Variants in NDUFB6 observed in about 807,000 individuals in gnomAD.
NDUFB6 encodes NADH:ubiquinone oxidoreductase subunit B6.
NDUFB6 carries 23 observed loss-of-function variants against 17.5 expected under a neutral mutation model. The ratio of observed to expected loss-of-function variants is 1.31; its 90% confidence interval spans 0.94 to 1.86. The LOEUF (loss-of-function observed/expected upper bound fraction) is 1.86. Among genes scored for constraint, NDUFB6 ranks in the 40% most tolerant of loss-of-function variants. The pLI, the probability that NDUFB6 is intolerant of heterozygous loss-of-function variation, is 0.00. For synonymous variants in NDUFB6, 60 were observed against 53.5 expected, an observed-to-expected ratio of 1.12 and a Z score of -0.53; for missense variants, 167 against 153.8, an observed-to-expected ratio of 1.09 and a Z score of -0.46.
intron 2 of NDUFB6, among the ~76,000 whole-genome samples, chr9:32,563,977 C>A (rs1235731290): frequency 6.6e-6 from 1 of 152,166 alleles, no homozygotes. Flanking sequence ...TTCTCTCCTC[C>A]CGCCCTAGAA....
At chr9:32,566,791 A>G in intron 2 of NDUFB6, 1 of 912,066 alleles carries the variant, frequency 1.1e-6, no homozygotes, top group Non-Finnish European at 1.8e-6. Context: ...CTGACGTTGT[A>G]CAGGAGGTCG....
intron 3 of NDUFB6, among the ~76,000 whole-genome samples, chr9:32,555,608 A>C (rs1821434375): frequency 6.6e-6 from 1 of 152,242 alleles, no homozygotes; most frequent in Admixed American, 6.5e-5. Context: ...ATGTTAAGGG[A>C]AATGGATGGA....
chr9:32,556,765 A>G (rs536534397), intron 3 of NDUFB6, among the ~76,000 whole-genome samples: 1 of 152,300 alleles, frequency 6.6e-6, no homozygotes, highest in East Asian at 1.9e-4. Flanking sequence ...AAAAACCAGC[A>G]AGATAATTTC....
chr9:32,556,377 A>G (rs184909724), intron 3 of NDUFB6, among the ~76,000 whole-genome samples: 3 of 152,380 alleles, frequency 2.0e-5, no homozygotes, highest in Admixed American at 1.3e-4. Context: ...GTATCTTTGT[A>G]TCACAATCTT....
intron 1 of NDUFB6, among the ~76,000 whole-genome samples, chr9:32,571,915 T>C (rs560400980): frequency 1.3e-5 from 2 of 152,274 alleles, no homozygotes; most frequent in East Asian, 3.9e-4. Flanking sequence ...TTTCAACAAT[T>C]CTATTGCACT....
chr9:32,567,254 G>A (rs1400547891), intron 2 of NDUFB6: 4 of 473,050 alleles, frequency 8.5e-6, no homozygotes, highest in South Asian at 6.2e-5. Flanking sequence ...CATGGGCCGG[G>A]AACCGATCCC....
Position 32,570,849 on chromosome 9 carries a change from T to G in NDUFB6, c.273+111A>C. The G allele has an allele frequency of 6.3e-6, 4 of 634,286 alleles. No individual in the cohort carries two copies. The South Asian group carries it at 1.1e-4, about 17-fold the overall frequency. 39.3% of individuals were successfully genotyped at this position (634,286 alleles called of 1,614,324 possible). ...TTTACCTAAGAGAATTCAAAGTACTTCAAAATCTGTTTATAAGTGGCAGAT... is the reference window on the plus strand; with the variant it reads ...TTTACCTAAGAGAATTCAAAGTACTGCAAAATCTGTTTATAAGTGGCAGAT... On this transcript the variant is annotated intron_variant, in intron 2 of 3. Transcript: ENST00000379847.
chr9:32,558,235 TC>T (rs1337872749), intron 3 of NDUFB6, among the ~76,000 whole-genome samples: 1 of 151,208 alleles, frequency 6.6e-6, no homozygotes, highest in Non-Finnish European at 1.5e-5. Flanking sequence ...CCTCAGCCTC[TC>T]GAGTAGCTGG....
At chr9:32,561,785 G>C (rs1002688620) in intron 2 of NDUFB6, among the ~76,000 whole-genome samples, 6 of 152,078 alleles carry the variant, frequency 3.9e-5, no homozygotes, top group African/African-American at 1.4e-4. Context: ...TCTTCCTTTA[G>C]AAGTGTCTCT....
chr9:32,570,127 T>G (rs2119036949), intron 2 of NDUFB6, among the ~76,000 whole-genome samples: 1 of 152,290 alleles, frequency 6.6e-6, no homozygotes, highest in South Asian at 2.1e-4. Flanking sequence ...GACATCTTGC[T>G]CTGAGTTACC....
chr9:32,558,905 C>T lies in NDUFB6; in HGVS notation c.318+5G>A, dbSNP rs750542762. ...AAAAGAAAAATCAGAAGTGTTAAGA[C>T]TTACAGGGAATATTCTGGACTTCTT... is the stretch of plus-strand genomic sequence containing the variant. On this transcript the variant is annotated splice_donor_5th_base_variant and intron_variant, in intron 3 of 3. Coordinates refer to ENST00000379847, the MANE Select transcript of NDUFB6 (RefSeq NM_002493.5). 1 of 1,567,634 alleles carries T rather than the reference C, an allele frequency of 6.4e-7. No homozygotes were observed. The highest frequency in any genetic ancestry group is 2.2e-5 in the East Asian group (1 of 44,458).
chr9:32,562,528 T>G (rs1821654949), intron 2 of NDUFB6, among the ~76,000 whole-genome samples: 1 of 152,236 alleles, frequency 6.6e-6, no homozygotes, highest in South Asian at 2.1e-4. Flanking sequence ...CTATAATTTG[T>G]TAGACAGTCC....
At chr9:32,567,987 T>C (rs1587650328) in intron 2 of NDUFB6, 1 of 167,010 alleles carries the variant, frequency 6.0e-6, no homozygotes, top group African/African-American at 2.4e-5. Context: ...GAGGCGGAGG[T>C]TGCAGTGAGT....
intron 2 of NDUFB6, among the ~76,000 whole-genome samples, chr9:32,559,650 C>A (rs1408099293): frequency 1.3e-5 from 2 of 152,160 alleles, no homozygotes. Context: ...CCTGTATCTT[C>A]ATTTCATTTA....
rs1821367507 is a variant in NDUFB6 at position 32,553,626 on chromosome 9, A to C, written c.*250T>G. The C allele has an allele frequency of 2.3e-6, 1 of 440,658 alleles. No homozygotes were observed. Among genetic ancestry groups the C allele is most frequent in the Admixed American group, 3.9e-5 (1 of 25,372 alleles). 27.3% of individuals were successfully genotyped at this position (440,658 alleles called of 1,614,324 possible). A position where few individuals can be genotyped will look rare whatever the true frequency, so the allele number is the denominator to read the frequency against. ...AAAAAAACAAACAAACATGTAACTA[A>C]ATACTTTTCCATACCGTTTTCCAAG... is the stretch of plus-strand genomic sequence containing the variant. On this transcript the variant is annotated 3_prime_UTR_variant, in exon 4 of 4. Transcript: ENST00000379847.
intron 2 of NDUFB6, chr9:32,566,245 T>C (rs942666134): frequency 2.0e-6 from 2 of 999,974 alleles, no homozygotes; most frequent in South Asian, 1.3e-5. Flanking sequence ...GGTTTTCTTA[T>C]GGCAGACAAC....
At chr9:32,563,391 G>A (rs953009768) in intron 2 of NDUFB6, among the ~76,000 whole-genome samples, 1 of 151,390 alleles carries the variant, frequency 6.6e-6, no homozygotes, top group African/African-American at 2.4e-5. Context: ...AGGATGGCTG[G>A]AGTACAGTGG....
chr9:32,556,609 A>G (rs1441710388), intron 3 of NDUFB6, among the ~76,000 whole-genome samples: 3 of 152,244 alleles, frequency 2.0e-5, no homozygotes, highest in Admixed American at 2.0e-4. Context: ...GTGGCAAAAA[A>G]TACAGAAATA....
At chr9:32,566,884 C>A (rs1441914900) in intron 2 of NDUFB6, 4 of 608,682 alleles carry the variant, frequency 6.6e-6, no homozygotes, top group Non-Finnish European at 1.2e-5. Context: ...GTGCGGCTGG[C>A]GAAAAGCACT....
Sources: gnomAD v4.1 joint callset for allele counts (sites outside exome capture counted in the v4.1 genomes callset) on GRCh38, gnomAD v4.1.1 for gene constraint, MANE v1.5 for transcripts, NCBI Gene and HGNC (gene_info 2026-07-23, HGNC 2026-07-21) for gene names.